The following RCBTB2 variants were observed in gnomAD, a reference collection of about 807,000 sequenced individuals.
RCBTB2 encodes RCC1 and BTB domain containing protein 2.
Under a neutral mutation model 65.4 loss-of-function variants are expected in RCBTB2, and 55 were observed. That is an observed-to-expected ratio of 0.84 (90% CI 0.68 to 1.05). The LOEUF is 1.05. Ranked by LOEUF, RCBTB2 falls within the 50% of genes least tolerant of loss-of-function variation. The probability of loss-of-function intolerance (pLI) is 0.00; values close to 1 mark genes in which losing one functional copy is unlikely to be tolerated. For synonymous variants in RCBTB2, 220 were observed against 255.2 expected (o/e 0.86, Z 1.31); for missense variants, 599 against 680.1 (o/e 0.88, Z 1.33).
intron 1 of RCBTB2, among the ~76,000 whole-genome samples, chr13:48,526,200 T>C (rs370339278): frequency 1.3e-5 from 2 of 152,234 alleles, no homozygotes; most frequent in African/African-American, 4.8e-5. Flanking sequence ...CGTTTGGTAA[T>C]GAAAACTCAT....
intron 10 of RCBTB2, among the ~76,000 whole-genome samples, chr13:48,509,337 T>A (rs80311840): frequency 6.6e-6 from 1 of 151,988 alleles, no homozygotes; most frequent in African/African-American, 2.4e-5. Flanking sequence ...AAAATAAAAA[T>A]AAAAAAATAA....
chr13:48,527,361 T>TATATTTCATATA, intron 1 of RCBTB2, among the ~76,000 whole-genome samples: 1 of 112,446 alleles, frequency 8.9e-6, no homozygotes, highest in Admixed American at 8.5e-5. Context: ...TGATATATAT[T>TATATTTCATATA]TATATATGAT....
intron 9 of RCBTB2, among the ~76,000 whole-genome samples, chr13:48,511,239 A>C (rs976714050): frequency 1.3e-5 from 2 of 152,128 alleles, no homozygotes; most frequent in African/African-American, 4.8e-5. Flanking sequence ...GCAGTTCTGT[A>C]TCTTGCTTCA....
At chr13:48,501,432 C>T (rs1389259474) in intron 12 of RCBTB2, among the ~76,000 whole-genome samples, 3 of 152,140 alleles carry the variant, frequency 2.0e-5, no homozygotes, top group Non-Finnish European at 2.9e-5. Flanking sequence ...AACTGATGGA[C>T]GTCCAAGTAT....
At chr13:48,499,142 A>ACACACACACACT (rs1366425462) in intron 13 of RCBTB2, among the ~76,000 whole-genome samples, 54 of 132,374 alleles carry the variant, frequency 4.1e-4, no homozygotes, top group African/African-American at 1.5e-3. Context: ...ACACACACAC[A>ACACACACACACT]CTCTCTCTCT....
At chr13:48,522,237 A>G in intron 3 of RCBTB2, 71 bp downstream of exon 3, 2 of 1,029,824 alleles carry the variant, frequency 1.9e-6, no homozygotes, top group Non-Finnish European at 2.9e-6. Flanking sequence ...CCTTAACTCT[A>G]TAAAGGAAAT....
intron 12 of RCBTB2, among the ~76,000 whole-genome samples, chr13:48,500,105 G>C (rs1334120645): frequency 1.3e-5 from 2 of 152,102 alleles, no homozygotes; most frequent in Non-Finnish European, 2.9e-5. Flanking sequence ...ACTCCATTAC[G>C]GGTTGAATGA....
chr13:48,501,783 A>G lies in RCBTB2; in HGVS notation c.1203T>C (p.Asp401=). ...PDTADLKFLV[D]GKYIYAHKVL... is the part of the protein sequence containing the mutation. The stretch of plus-strand genomic sequence containing the variant: ...CTTTATGTGCATAAATGTACTTTCC[A>G]TCAACTAGAAACTTCAGGTCTGCAG... The change falls in exon 12 of 15, where the codon GAT becomes GAC. Residue 401 remains aspartate (D), a synonymous_variant. Coordinates refer to ENST00000344532, the MANE Select transcript of RCBTB2 (RefSeq NM_001268.4). 1 of 1,613,372 alleles carries G rather than the reference A, an allele frequency of 6.2e-7. No individual in the cohort carries two copies. Among genetic ancestry groups the G allele is most frequent in the Non-Finnish European group, 8.5e-7 (1 of 1,179,274 alleles).
intron 14 of RCBTB2, 60 bp from the exon 15 acceptor site, chr13:48,490,311 G>T: frequency 6.8e-7 from 1 of 1,466,600 alleles, no homozygotes; most frequent in Non-Finnish European, 9.4e-7. Context: ...ATGCAACATA[G>T]CATGAAAATC....
intron 4 of RCBTB2, among the ~76,000 whole-genome samples, chr13:48,520,206 G>C (rs1341123282): frequency 6.6e-6 from 1 of 152,188 alleles, no homozygotes; most frequent in Non-Finnish European, 1.5e-5. Context: ...GCACACTCAT[G>C]AAACAATGTA....
intron 13 of RCBTB2, among the ~76,000 whole-genome samples, chr13:48,498,347 T>C (rs1950069290): frequency 1.3e-5 from 2 of 152,226 alleles, no homozygotes; most frequent in Admixed American, 1.3e-4. Flanking sequence ...GCTTGACATA[T>C]AACTTTAAGT....
In RCBTB2 at chr13:48,493,289, CCA is replaced by C. The variant is rs1237098435; in HGVS notation, c.1515+2900_1515+2901del. On this transcript the variant is annotated intron_variant, in intron 14 of 14. Transcript: ENST00000344532. ...TCTCTCTCTCACCCTCTCTCTCTCT[CCA>C]CACACACACACACACACACACACAC... Among the ~76,000 whole-genome samples the C allele has an allele frequency of 2.3e-3, 234 of 102,298 alleles. 3 individuals carry two copies. Among genetic ancestry groups the C allele is most frequent in the African/African-American group, 9.3e-3 (171 of 18,390 alleles). The allele number at this position is 102,298 out of a possible 152,430, so 67.1% of individuals were successfully genotyped here.
intron 4 of RCBTB2, among the ~76,000 whole-genome samples, chr13:48,517,093 T>C (rs1426675252): frequency 1.3e-5 from 2 of 152,124 alleles, no homozygotes; most frequent in Admixed American, 6.5e-5. Context: ...CCTTCCACCT[T>C]AGGAGAGCAC....
chr13:48,490,191 A>G lies in RCBTB2; in HGVS notation c.1576T>C (p.Ser526Pro). The change falls in exon 15 of 15, where the codon TCA becomes CCA. Residue 526 changes from serine to proline, a missense_variant. By Grantham distance (74) the Ser-to-Pro change is moderately conservative. Transcript: ENST00000344532. The stretch of plus-strand genomic sequence containing the variant: ...TCATGGTCCATTTCTGCAAAACCTG[A>G]TGTTTGTGTTACTACAGTCAGATGG... ...INHLTVVTQT[S>P]GFAEMDHDLL... 1 of 1,613,830 alleles carries G rather than the reference A, an allele frequency of 6.2e-7. No homozygotes were observed.
In RCBTB2 at chr13:48,502,743, C is replaced by T. The variant is rs748911366; in HGVS notation, c.1098G>A (p.Thr366=). 23 of 1,612,352 alleles carry T rather than the reference C, an allele frequency of 1.4e-5. No homozygotes were observed. The highest frequency in any genetic ancestry group is 3.3e-4 in the Middle Eastern group (2 of 6,016). ...VFACFATPAV[T]WRLLSVEPDD... is the part of the protein sequence containing the mutation. The stretch of plus-strand genomic sequence containing the variant: ...GCTTACCCACGGAGAGGAGGCGCCA[C>T]GTGACGGCGGGCGTGGCAAAGCAGG... The change falls in exon 11 of 15, where the codon ACG becomes ACA. Residue 366 remains threonine, a synonymous_variant. Transcript: ENST00000344532.
intron 1 of RCBTB2, among the ~76,000 whole-genome samples, chr13:48,525,373 GATATATATATATATATATATATATAT>G (rs59350616): frequency 5.9e-4 from 32 of 54,500 alleles, no homozygotes; most frequent in African/African-American, 1.1e-3. Context: ...AAGGATTCAT[GATATATATATATATATATATATATAT>G]ATATATATAT....
upstream of RCBTB2, among the ~76,000 whole-genome samples, chr13:48,534,361 GT>G (rs1952324512): frequency 6.6e-6 from 1 of 152,052 alleles, no homozygotes; most frequent in Non-Finnish European, 1.5e-5. Context: ...GTGCCAAGAG[GT>G]TTATCTTATT....
chr13:48,500,809 CTG>C (rs1386946100), intron 12 of RCBTB2, among the ~76,000 whole-genome samples: 2 of 152,172 alleles, frequency 1.3e-5, no homozygotes, highest in African/African-American at 4.8e-5. Flanking sequence ...GGCCATAGTA[CTG>C]TGTTACAGCA....
chr13:48,504,770 C>T (rs575167347), intron 10 of RCBTB2, among the ~76,000 whole-genome samples: 2 of 152,214 alleles, frequency 1.3e-5, no homozygotes, highest in Admixed American at 6.5e-5. Context: ...CTGACACGGG[C>T]TAGCACCTGA....
Sources: gnomAD v4.1 joint callset for allele counts (sites outside exome capture counted in the v4.1 genomes callset) on GRCh38, gnomAD v4.1.1 for gene constraint, MANE v1.5 for transcripts, NCBI Gene and HGNC (gene_info 2026-07-23, HGNC 2026-07-21) for gene names.